Variants in ATP8B4 observed in about 807,000 individuals in gnomAD.
ATP8B4 encodes the protein ATPase phospholipid transporting 8B4 (putative), also known as probable phospholipid-transporting ATPase IM.
In ATP8B4, 133 loss-of-function variants were observed where a neutral mutation model predicts 145.6. The ratio of observed to expected loss-of-function variants is 0.91; its 90% CI spans 0.79 to 1.05. The LOEUF is 1.05. ATP8B4 is among the 50% of genes least tolerant of loss of function. The pLI, the probability that ATP8B4 is intolerant of heterozygous loss-of-function variation, is 0.00. For synonymous variants in ATP8B4, 507 were observed against 492.9 expected (o/e 1.03, Z -0.38); for missense variants, 1,458 against 1,425.2 (o/e 1.02, Z -0.37).
At chr15:49,872,459 A>T (rs1308614887) in intron 25 of ATP8B4, among the ~76,000 whole-genome samples, 1 of 152,174 alleles carries the variant, frequency 6.6e-6, no homozygotes, top group Non-Finnish European at 1.5e-5. Context: ...AGGGAAATAT[A>T]GTCAGCTTAC....
At chr15:50,020,006 T>C (rs868378740) in intron 6 of ATP8B4, among the ~76,000 whole-genome samples, 4 of 151,966 alleles carry the variant, frequency 2.6e-5, no homozygotes, top group African/African-American at 4.8e-5. Context: ...TTGCCCAGAC[T>C]GGAGTGCATG....
At chr15:50,156,446 A>C (rs1423406686) in intron 1 of ATP8B4, among the ~76,000 whole-genome samples, 1 of 152,074 alleles carries the variant, frequency 6.6e-6, no homozygotes, top group Admixed American at 6.6e-5. Context: ...TTGGGTACAT[A>C]ATGCTGCTGT....
chr15:50,014,333 T>A (rs2048932911), intron 6 of ATP8B4, among the ~76,000 whole-genome samples: 1 of 152,166 alleles, frequency 6.6e-6, no homozygotes, highest in South Asian at 2.1e-4. Context: ...CTTTTTTTGT[T>A]CACCACTCCA....
chr15:50,000,219 G>C (rs1261480868), intron 8 of ATP8B4, among the ~76,000 whole-genome samples: 1 of 152,172 alleles, frequency 6.6e-6, no homozygotes, highest in African/African-American at 2.4e-5. Context: ...GCCCAGGGGT[G>C]AAATTGTTGG....
intron 16 of ATP8B4, 31 bp from the exon 17 acceptor site, chr15:49,923,525 T>C (rs1365576052): frequency 6.9e-7 from 1 of 1,443,566 alleles, no homozygotes; most frequent in Non-Finnish European, 9.6e-7. Flanking sequence ...AAAAGCAGAA[T>C]ATAATCAACG....
intron 6 of ATP8B4, among the ~76,000 whole-genome samples, chr15:50,024,265 A>T (rs2049836912): frequency 6.6e-6 from 1 of 152,094 alleles, no homozygotes; most frequent in Non-Finnish European, 1.5e-5. Context: ...TTTCCAACAG[A>T]TACTTAATAA....
intron 25 of ATP8B4, 80 bp downstream of exon 25, chr15:49,876,198 A>G: frequency 1.3e-6 from 2 of 1,526,506 alleles, no homozygotes; most frequent in Non-Finnish European, 1.8e-6. Context: ...TCCCCCCAAC[A>G]AGTAGACAAA....
intron 1 of ATP8B4, among the ~76,000 whole-genome samples, chr15:50,147,074 G>A (rs970608390): frequency 6.6e-6 from 1 of 152,158 alleles, no homozygotes. Flanking sequence ...AAACTCTTTG[G>A]TGTTGGGTTA....
chr15:50,160,321 C>G (rs558850760), intron 1 of ATP8B4, among the ~76,000 whole-genome samples: 1 of 151,178 alleles, frequency 6.6e-6, no homozygotes, highest in South Asian at 2.1e-4. Flanking sequence ...TGAATTTTAT[C>G]TTTTCGAAAA....
intron 1 of ATP8B4, among the ~76,000 whole-genome samples, chr15:50,164,353 T>G (rs2044565284): frequency 6.6e-6 from 1 of 152,196 alleles, no homozygotes. Flanking sequence ...AGGTGATGAA[T>G]CCTGCCAAGA....
At chr15:49,866,571 T>C in intron 25 of ATP8B4, 87 bp from the exon 26 acceptor site, 1 of 1,515,614 alleles carries the variant, frequency 6.6e-7, no homozygotes, top group Non-Finnish European at 9.0e-7. Flanking sequence ...AGAACTGCCC[T>C]GTGGCAGGAA....
chr15:50,173,214 A>G (rs1290285089), intron 1 of ATP8B4, among the ~76,000 whole-genome samples: 2 of 152,230 alleles, frequency 1.3e-5, no homozygotes, highest in East Asian at 3.8e-4. Context: ...GCTCATTGAG[A>G]ACAGGCCATG....
intron 16 of ATP8B4, among the ~76,000 whole-genome samples, chr15:49,928,929 G>C (rs1034664885): frequency 6.6e-6 from 1 of 152,060 alleles, no homozygotes; most frequent in African/African-American, 2.4e-5. Flanking sequence ...TATTAGTCTA[G>C]AGAAGTGGTC....
intron 23 of ATP8B4, among the ~76,000 whole-genome samples, chr15:49,893,514 C>T (rs2037053676): frequency 6.6e-6 from 1 of 152,142 alleles, no homozygotes; most frequent in Admixed American, 6.5e-5. Context: ...ATGGATGGAT[C>T]TTGAGGACAC....
Position 49,879,359 on chromosome 15 carries a change from A to T in ATP8B4, c.2781+17T>A. On this transcript the variant is annotated intron_variant, in intron 24 of 27. Coordinates refer to ENST00000284509, the MANE Select transcript of ATP8B4 (RefSeq NM_024837.4). ...ATAAAAGAGAAACTAAGTTATAAAG[A>T]TGGAAAAAAAACATACCTGGTCAAA... 6.3e-7 allele frequency: 1 copy of T among 1,591,606 alleles called. No homozygotes were observed.
intron 14 of ATP8B4, among the ~76,000 whole-genome samples, chr15:49,949,408 G>A (rs1010226758): frequency 6.6e-6 from 1 of 151,992 alleles, no homozygotes; most frequent in African/African-American, 2.4e-5. Context: ...GTATTCCTTG[G>A]TATTTTATTC....
intron 23 of ATP8B4, chr15:49,895,435 G>C (rs1209897967): frequency 6.6e-6 from 1 of 152,216 alleles, no homozygotes; most frequent in Non-Finnish European, 1.5e-5. Context: ...AAAGAACACA[G>C]ATGGTCAACT....
At chr15:50,153,181 C>T (rs1445185266) in intron 1 of ATP8B4, among the ~76,000 whole-genome samples, 1 of 152,140 alleles carries the variant, frequency 6.6e-6, no homozygotes, top group Non-Finnish European at 1.5e-5. Context: ...AGTATGGAAT[C>T]AAATTATCCT....
At chr15:50,073,099 G>C (rs2053960821) in intron 3 of ATP8B4, among the ~76,000 whole-genome samples, 1 of 149,184 alleles carries the variant, frequency 6.7e-6, no homozygotes. Context: ...ATATATGTGT[G>C]TGTGTGTTTT....
Sources: allele counts gnomAD v4.1 joint callset (sites outside exome capture counted in the v4.1 genomes callset), GRCh38; gene constraint gnomAD v4.1.1; transcripts MANE v1.5; gene names NCBI Gene and HGNC (gene_info 2026-07-23, HGNC 2026-07-21).